Variants in TAFA1 observed in about 807,000 individuals in gnomAD.
TAFA1 encodes TAFA chemokine like family member 1.
TAFA1 carries 4 observed loss-of-function variants against 18.5 expected under a neutral mutation model. That is an observed-to-expected ratio of 0.22 (90% CI 0.11 to 0.49). The LOEUF (loss-of-function observed/expected upper bound fraction) is 0.49. Ranked by LOEUF, TAFA1 falls within the 20% of genes least tolerant of loss-of-function variation. The pLI is 0.98. For synonymous variants in TAFA1, 56 were observed against 55.2 expected, an observed-to-expected ratio of 1.01 and a Z score of -0.06; for missense variants, 147 against 169.0, an observed-to-expected ratio of 0.87 and a Z score of 0.72.
At chr3:68,165,836 C>A (rs149162323) in intron 2 of TAFA1, among the ~76,000 whole-genome samples, 154 of 152,330 alleles carry the variant, frequency 1.0e-3, no homozygotes, top group African/African-American at 3.3e-3. Flanking sequence ...TTGCTCACTG[C>A]TATATCCCCA....
Position 68,417,287 on chromosome 3 carries a change from G to A in TAFA1, c.126G>A (p.Gly42=), listed in dbSNP as rs2070857684. 6.2e-7 allele frequency: 1 copy of A among 1,612,668 alleles called. No individual in the cohort carries two copies. The change falls in exon 3 of 5, where the codon GGG becomes GGA. Residue 42 remains glycine (G), a synonymous_variant. Transcript: ENST00000478136. The part of the protein sequence containing the change: ...QQHHLHRPEG[G]TCEVIAAHRC... ...TTCTTTCTCTCTTGCCAGAAGGAGGGACGTGTGAAGTGATAGCAGCACACC... is the reference window on the plus strand; with the variant it reads ...TTCTTTCTCTCTTGCCAGAAGGAGGAACGTGTGAAGTGATAGCAGCACACC...
intron 3 of TAFA1, among the ~76,000 whole-genome samples, chr3:68,535,043 A>G (rs2073254294): frequency 6.6e-6 from 1 of 152,186 alleles, no homozygotes; most frequent in Non-Finnish European, 1.5e-5. Context: ...TTGATGGTTT[A>G]GATTCAGGGC....
chr3:68,305,369 A>G (rs2068385493), intron 2 of TAFA1, among the ~76,000 whole-genome samples: 2 of 143,746 alleles, frequency 1.4e-5, no homozygotes, highest in Non-Finnish European at 3.0e-5. Flanking sequence ...ATGACTATAT[A>G]TAAATGGCTA....
chr3:68,333,116 CAG>C (rs2106734848), intron 2 of TAFA1, among the ~76,000 whole-genome samples: 1 of 152,242 alleles, frequency 6.6e-6, no homozygotes, highest in East Asian at 1.9e-4. Flanking sequence ...GAACTTAAAA[CAG>C]AATTATCGTT....
At chr3:68,242,204 C>A (rs556158631) in intron 2 of TAFA1, among the ~76,000 whole-genome samples, 48 of 152,220 alleles carry the variant, frequency 3.2e-4, no homozygotes, top group African/African-American at 1.1e-3. Flanking sequence ...TTCTCCTGCC[C>A]TGCTTGTGGC....
At chr3:68,287,791 A>T (rs2068037753) in intron 2 of TAFA1, among the ~76,000 whole-genome samples, 1 of 151,924 alleles carries the variant, frequency 6.6e-6, no homozygotes, top group African/African-American at 2.4e-5. Flanking sequence ...GCCCCGAAGC[A>T]AGGCCCATTT....
At chr3:68,183,595 G>A (rs1559550906) in intron 2 of TAFA1, among the ~76,000 whole-genome samples, 1 of 152,148 alleles carries the variant, frequency 6.6e-6, no homozygotes, top group Non-Finnish European at 1.5e-5. Flanking sequence ...TCAACAGTGA[G>A]AAGGTTATTG....
chr3:68,022,277 TAA>T (rs749589766), intron 2 of TAFA1, among the ~76,000 whole-genome samples: 4 of 152,110 alleles, frequency 2.6e-5, no homozygotes, highest in Non-Finnish European at 5.9e-5. Flanking sequence ...GGAAACAATA[TAA>T]AAATGCTAAG....
intron 2 of TAFA1, among the ~76,000 whole-genome samples, chr3:68,096,747 T>G (rs1205804238): frequency 6.6e-6 from 1 of 152,096 alleles, no homozygotes; most frequent in Non-Finnish European, 1.5e-5. Context: ...GACATTGTCA[T>G]TAACATGGAG....
intron 2 of TAFA1, among the ~76,000 whole-genome samples, chr3:68,007,625 T>C (rs1395772640): frequency 7.0e-6 from 1 of 143,546 alleles, no homozygotes; most frequent in South Asian, 2.5e-4. Flanking sequence ...TCCCCTCCCT[T>C]CCTCTCTCGC....
intron 2 of TAFA1, among the ~76,000 whole-genome samples, chr3:68,361,030 G>A (rs1331131016): frequency 6.6e-6 from 1 of 151,952 alleles, no homozygotes; most frequent in African/African-American, 2.4e-5. Flanking sequence ...CACTTTTGCT[G>A]AAAACTTTAA....
chr3:68,305,422 T>TG (rs1360389620), intron 2 of TAFA1, among the ~76,000 whole-genome samples: 4,173 of 74,550 alleles, frequency 0.056, 424 homozygotes, highest in East Asian at 0.19. Context: ...TATATATATA[T>TG]ATATATATAT....
Position 68,470,469 on chromosome 3 carries a change from G to A in TAFA1, c.259+53049G>A, listed in dbSNP as rs116324532. Among the ~76,000 whole-genome samples the A allele has an allele frequency of 7.6e-3, 1,157 of 152,292 alleles. 5 individuals carry two copies. Among genetic ancestry groups the A allele is most frequent in the Non-Finnish European group, 0.012 (812 of 68,018 alleles). The stretch of plus-strand genomic sequence containing the variant: ...GACAGAAAAATGTGGGGAAAGTCTG[G>A]AACTTCCTAGAGACTTGTTGAATGT... On this transcript the variant is annotated intron_variant, in intron 3 of 4. Coordinates refer to ENST00000478136, the MANE Select transcript of TAFA1 (RefSeq NM_213609.4).
At chr3:68,438,130 G>A (rs369654649) in intron 3 of TAFA1, among the ~76,000 whole-genome samples, 1 of 152,220 alleles carries the variant, frequency 6.6e-6, no homozygotes, top group South Asian at 2.1e-4. Context: ...AGATGGAGCT[G>A]GGCAGATTGC....
intron 2 of TAFA1, among the ~76,000 whole-genome samples, chr3:68,062,024 T>A (rs993171673): frequency 7.9e-5 from 12 of 152,190 alleles, no homozygotes; most frequent in African/African-American, 2.9e-4. Flanking sequence ...AAACATATAC[T>A]AGACATAAGT....
chr3:68,443,346 A>G (rs1465869092), intron 3 of TAFA1, among the ~76,000 whole-genome samples: 2 of 151,920 alleles, frequency 1.3e-5, no homozygotes, highest in South Asian at 4.1e-4. Context: ...AGACAGCCCT[A>G]AGTTCTACCC....
At chr3:68,095,832 A>G (rs758934207) in intron 2 of TAFA1, among the ~76,000 whole-genome samples, 7 of 152,096 alleles carry the variant, frequency 4.6e-5, no homozygotes, top group Non-Finnish European at 1.0e-4. Context: ...TTATTGATAC[A>G]TAATATTTGT....
At chr3:68,226,737 G>T (rs548281699) in intron 2 of TAFA1, among the ~76,000 whole-genome samples, 2 of 152,234 alleles carry the variant, frequency 1.3e-5, no homozygotes, top group South Asian at 4.1e-4. Context: ...GCTTTCTTTT[G>T]AAGTCAGACA....
chr3:68,120,221 CTT>C (rs1016712422), intron 2 of TAFA1, among the ~76,000 whole-genome samples: 1 of 125,968 alleles, frequency 7.9e-6, no homozygotes, highest in Non-Finnish European at 1.7e-5. Context: ...TTCTTTCTTT[CTT>C]TCTTTCTTTC....
Sources: allele counts gnomAD v4.1 joint callset (sites outside exome capture counted in the v4.1 genomes callset), GRCh38; gene constraint gnomAD v4.1.1; transcripts MANE v1.5; gene names NCBI Gene and HGNC (gene_info 2026-07-23, HGNC 2026-07-21).